The following CNTN5 variants were observed in gnomAD, a reference collection of about 807,000 sequenced individuals.
CNTN5 encodes contactin-5.
A neutral mutation model predicts 129.1 loss-of-function variants in CNTN5; 77 were observed. The observed-to-expected ratio is 0.60, with a 90% CI of 0.50 to 0.72. The LOEUF is 0.72. Ranked by LOEUF, CNTN5 falls within the 30% of genes least tolerant of loss-of-function variation. The pLI, the probability that CNTN5 is intolerant of heterozygous loss-of-function variation, is 0.00. For missense variants in CNTN5, 1,478 were observed against 1,328.8 expected (o/e 1.11, Z -1.75); for synonymous variants, 509 against 465.6 (o/e 1.09, Z -1.20).
chr11:100,039,900 T>A (rs1270821387), intron 9 of CNTN5, among the ~76,000 whole-genome samples: 1 of 152,198 alleles, frequency 6.6e-6, no homozygotes, highest in Non-Finnish European at 1.5e-5. Context: ...TCAACTTCTT[T>A]GCCATTGGTT....
chr11:99,489,791 G>T lies in CNTN5; in HGVS notation c.-70-66354G>T, dbSNP rs1467481485. Among the ~76,000 whole-genome samples, 3 of 152,126 alleles carry T rather than the reference G, an allele frequency of 2.0e-5. No homozygotes were observed. In the East Asian group the frequency reaches 5.8e-4, roughly 29 times the overall value. The stretch of plus-strand genomic sequence containing the variant: ...ATTCCTACTGCAGACCTCTTGCAGG[G>T]AGAATGTGGGAGAGCAAGTGATGAA... On this transcript the variant is annotated intron_variant, in intron 2 of 24. Transcript: ENST00000524871.
chr11:100,040,694 C>G (rs1464528876), intron 9 of CNTN5, among the ~76,000 whole-genome samples: 1 of 152,140 alleles, frequency 6.6e-6, no homozygotes, highest in African/African-American at 2.4e-5. Flanking sequence ...CCTCCCCCAG[C>G]CTCACTGCCG....
chr11:99,120,698 A>G (rs1858276978), intron 1 of CNTN5, among the ~76,000 whole-genome samples: 1 of 152,176 alleles, frequency 6.6e-6, no homozygotes, highest in African/African-American at 2.4e-5. Flanking sequence ...AAGGTCACAC[A>G]AGGCTTGGGA....
intron 1 of CNTN5, among the ~76,000 whole-genome samples, chr11:99,202,682 G>C (rs1859269281): frequency 6.6e-6 from 1 of 151,448 alleles, no homozygotes; most frequent in African/African-American, 2.4e-5. Context: ...CAGTACTTAA[G>C]AAACAATATA....
intron 2 of CNTN5, among the ~76,000 whole-genome samples, chr11:99,522,071 G>C (rs1040867488): frequency 2.6e-5 from 4 of 152,120 alleles, no homozygotes; most frequent in Admixed American, 6.6e-5. Context: ...AGGAAAACTG[G>C]AAACTTGGGA....
intron 1 of CNTN5, among the ~76,000 whole-genome samples, chr11:99,256,404 A>G (rs948176248): frequency 2.0e-5 from 3 of 152,092 alleles, no homozygotes; most frequent in African/African-American, 7.2e-5. Flanking sequence ...GCCATCTATA[A>G]AACTATTAAG....
chr11:99,864,416 C>G (rs903614100), intron 6 of CNTN5, among the ~76,000 whole-genome samples: 1 of 152,056 alleles, frequency 6.6e-6, no homozygotes, highest in Non-Finnish European at 1.5e-5. Context: ...ACGTAATATT[C>G]TAATCTTAAC....
At chr11:99,158,545 T>G (rs919199133) in intron 1 of CNTN5, among the ~76,000 whole-genome samples, 1 of 152,200 alleles carries the variant, frequency 6.6e-6, no homozygotes, top group African/African-American at 2.4e-5. Context: ...TTTAATTTTT[T>G]TGCATATAAC....
At chr11:99,866,213 C>A (rs1408284423) in intron 6 of CNTN5, among the ~76,000 whole-genome samples, 3 of 152,120 alleles carry the variant, frequency 2.0e-5, no homozygotes, top group African/African-American at 7.2e-5. Context: ...GTACAGAAAA[C>A]CAATAACCCA....
chr11:100,252,309 C>T (rs1949979511), intron 16 of CNTN5, among the ~76,000 whole-genome samples: 1 of 152,100 alleles, frequency 6.6e-6, no homozygotes, highest in Admixed American at 6.6e-5. Context: ...ATATGCTGCA[C>T]ATTAATCCCC....
intron 1 of CNTN5, among the ~76,000 whole-genome samples, chr11:99,310,648 T>C (rs1275064191): frequency 6.6e-6 from 1 of 152,156 alleles, no homozygotes; most frequent in African/African-American, 2.4e-5. Flanking sequence ...TTCTGTCAAT[T>C]GAGAAGTATT....
chr11:99,459,406 T>C (rs1591094668), intron 2 of CNTN5, among the ~76,000 whole-genome samples: 1 of 151,958 alleles, frequency 6.6e-6, no homozygotes, highest in Non-Finnish European at 1.5e-5. Context: ...TTGGAAACAT[T>C]TGAAATTTTT....
chr11:100,230,732 G>T (rs1939705), intron 16 of CNTN5, among the ~76,000 whole-genome samples: 2 of 152,098 alleles, frequency 1.3e-5, no homozygotes, highest in African/African-American at 4.8e-5. Context: ...GACTCTTTTA[G>T]GCACTGATAT....
At chr11:99,876,693 A>G (rs1948641290) in intron 6 of CNTN5, among the ~76,000 whole-genome samples, 1 of 152,218 alleles carries the variant, frequency 6.6e-6, no homozygotes, top group Non-Finnish European at 1.5e-5. Context: ...AGAACTTAGC[A>G]AACTTTCTTA....
chr11:100,297,744 T>C, intron 19 of CNTN5, 49 bp downstream of exon 19: 1 of 1,345,066 alleles, frequency 7.4e-7, no homozygotes. Context: ...TTTGTTTGGC[T>C]TAGTGTGATA....
At chr11:99,389,584 C>G (rs1941136076) in intron 2 of CNTN5, among the ~76,000 whole-genome samples, 2 of 152,076 alleles carry the variant, frequency 1.3e-5, no homozygotes, top group African/African-American at 4.8e-5. Flanking sequence ...ACCTTACTTT[C>G]ATATAACTCT....
At chr11:99,966,129 A>G (rs914328304) in intron 8 of CNTN5, among the ~76,000 whole-genome samples, 1 of 152,190 alleles carries the variant, frequency 6.6e-6, no homozygotes, top group Non-Finnish European at 1.5e-5. Flanking sequence ...GCTGGCTAAA[A>G]AAAATCATTT....
chr11:99,388,959 T>A (rs1286498050), intron 2 of CNTN5, among the ~76,000 whole-genome samples: 1 of 150,866 alleles, frequency 6.6e-6, no homozygotes, highest in Non-Finnish European at 1.5e-5. Flanking sequence ...TTAACTCAAT[T>A]TAAGACACCT....
intron 21 of CNTN5, chr11:100,309,522 A>G (rs1438409493): frequency 9.2e-6 from 9 of 974,038 alleles, no homozygotes; most frequent in East Asian, 1.1e-4. Context: ...TCTTGCTTCA[A>G]TTAATTATTT....
Sources: allele counts gnomAD v4.1 joint callset (sites outside exome capture counted in the v4.1 genomes callset), GRCh38; gene constraint gnomAD v4.1.1; transcripts MANE v1.5; gene names NCBI Gene and HGNC (gene_info 2026-07-23, HGNC 2026-07-21).